PDE1C: variants seen among roughly 807,000 people sequenced by gnomAD.
PDE1C encodes the protein dual specificity calcium/calmodulin-dependent 3',5'-cyclic nucleotide phosphodiesterase 1C.
PDE1C carries 62 observed loss-of-function variants against 93.1 expected under a neutral mutation model. The ratio of observed to expected loss-of-function variants is 0.67; its 90% CI spans 0.54 to 0.82. The LOEUF (loss-of-function observed/expected upper bound fraction) is 0.82, where lower values mean the gene tolerates loss of function less well. Among genes scored for constraint, PDE1C ranks in the 40% least tolerant of loss-of-function variants. The pLI is 0.00. For missense variants in PDE1C, 742 were observed against 884.6 expected (o/e 0.84, Z 2.04); for synonymous variants, 325 against 310.1 (o/e 1.05, Z -0.50).
the PDE1C span, among the ~76,000 whole-genome samples, chr7:31,703,509 A>C: frequency 6.6e-6 from 1 of 152,200 alleles, no homozygotes; most frequent in African/African-American, 2.4e-5. Flanking sequence ...GAATCAGCAA[A>C]TCTCTATATC....
At chr7:32,191,865 G>C (rs1005220773) in intron 2 of PDE1C, among the ~76,000 whole-genome samples, 3 of 152,100 alleles carry the variant, frequency 2.0e-5, no homozygotes, top group Non-Finnish European at 4.4e-5. Flanking sequence ...TCAGCATTTG[G>C]AGTGATCACC....
intron 5 of PDE1C, among the ~76,000 whole-genome samples, chr7:31,874,843 G>A (rs192263433): frequency 8.5e-5 from 13 of 152,204 alleles, no homozygotes; most frequent in African/African-American, 2.4e-4. Flanking sequence ...GCAAAACCTC[G>A]CAAGTCTAGA....
At chr7:31,716,577 T>C in the PDE1C span, among the ~76,000 whole-genome samples, 1 of 152,230 alleles carries the variant, frequency 6.6e-6, no homozygotes, top group Admixed American at 6.5e-5. Flanking sequence ...ATGTGCACCA[T>C]GATCATTGAC....
At chr7:31,630,216 G>A in the PDE1C span, among the ~76,000 whole-genome samples, 1 of 42,254 alleles carries the variant, frequency 2.4e-5, no homozygotes, top group Admixed American at 3.0e-4. Flanking sequence ...AGGAAAAGAG[G>A]CAATCAAAGA....
the PDE1C span, among the ~76,000 whole-genome samples, chr7:31,621,733 C>G: frequency 1.4e-5 from 2 of 145,716 alleles, no homozygotes; most frequent in African/African-American, 5.1e-5. Context: ...ATCATAATGA[C>G]AGGATCAAAT....
At chr7:32,234,539 A>G (rs966762295) in intron 1 of PDE1C, among the ~76,000 whole-genome samples, 2 of 152,062 alleles carry the variant, frequency 1.3e-5, no homozygotes, top group Non-Finnish European at 2.9e-5. Context: ...ACAACTCCTC[A>G]GGCTTCAGAT....
At chr7:32,002,112 C>A (rs907091907) in intron 2 of PDE1C, among the ~76,000 whole-genome samples, 6 of 152,032 alleles carry the variant, frequency 3.9e-5, no homozygotes, top group Non-Finnish European at 8.8e-5. Flanking sequence ...CTAAGAGAGA[C>A]CCCAGTAAAA....
the PDE1C span, among the ~76,000 whole-genome samples, chr7:31,734,302 C>T: frequency 1.3e-5 from 2 of 151,914 alleles, no homozygotes; most frequent in Admixed American, 1.3e-4. Context: ...GCTCTAGGGC[C>T]CCCCTCTTTC....
chr7:32,391,983 G>A (rs566924192), intron 1 of PDE1C, among the ~76,000 whole-genome samples: 73 of 151,734 alleles, frequency 4.8e-4, no homozygotes, highest in Non-Finnish European at 8.5e-4. Context: ...AGATTAGAGC[G>A]AAATATCCAT....
intron 1 of PDE1C, among the ~76,000 whole-genome samples, chr7:32,231,348 T>A (rs898285487): frequency 2.0e-5 from 3 of 151,912 alleles, no homozygotes; most frequent in African/African-American, 7.3e-5. Context: ...CACACACACC[T>A]TTACACATGT....
intron 2 of PDE1C, among the ~76,000 whole-genome samples, chr7:31,946,480 G>A (rs1347760429): frequency 2.0e-5 from 3 of 152,156 alleles, no homozygotes; most frequent in Non-Finnish European, 2.9e-5. Flanking sequence ...CTTGCTTCTA[G>A]CATTCCCAGG....
chr7:32,038,212 C>T (rs1791365841), intron 2 of PDE1C, among the ~76,000 whole-genome samples: 2 of 152,078 alleles, frequency 1.3e-5, no homozygotes, highest in Admixed American at 6.6e-5. Context: ...GCAAGTTTTG[C>T]CTTCACAGCC....
intron 17 of PDE1C, among the ~76,000 whole-genome samples, chr7:31,759,324 T>C (rs1794682862): frequency 6.6e-6 from 1 of 152,112 alleles, no homozygotes; most frequent in Non-Finnish European, 1.5e-5. Context: ...TGTCTGGCTA[T>C]ACCTAAACTA....
intron 16 of PDE1C, among the ~76,000 whole-genome samples, chr7:31,795,400 T>C (rs1191635006): frequency 6.6e-6 from 1 of 151,894 alleles, no homozygotes; most frequent in Non-Finnish European, 1.5e-5. Flanking sequence ...AGCTTTATTT[T>C]AAACATCTTG....
chr7:32,288,430 C>T (rs1337269069), intron 1 of PDE1C, among the ~76,000 whole-genome samples: 1 of 152,204 alleles, frequency 6.6e-6, no homozygotes, highest in Non-Finnish European at 1.5e-5. Context: ...CAGTCTTACA[C>T]AACTGGACTA....
chr7:32,169,154 C>T (rs939304363), intron 3 of PDE1C, among the ~76,000 whole-genome samples: 1 of 152,110 alleles, frequency 6.6e-6, no homozygotes, highest in African/African-American at 2.4e-5. Flanking sequence ...CACGTTTTTA[C>T]ACCACACTCA....
chr7:31,674,271 G>T, the PDE1C span, among the ~76,000 whole-genome samples: 141 of 152,198 alleles, frequency 9.3e-4, 2 homozygotes, highest in South Asian at 0.019. Context: ...AAAATAGTAT[G>T]CTTTGATGGA....
chr7:32,248,165 C>A (rs1809103012), intron 1 of PDE1C, among the ~76,000 whole-genome samples: 3 of 151,920 alleles, frequency 2.0e-5, no homozygotes. Flanking sequence ...GTTTGAGGTC[C>A]CTGTGGGGCA....
intron 3 of PDE1C, among the ~76,000 whole-genome samples, chr7:32,087,500 G>A (rs888343482): frequency 6.6e-5 from 10 of 152,002 alleles, no homozygotes; most frequent in African/African-American, 1.9e-4. Flanking sequence ...CCCATTACTG[G>A]GTATATACCC....
Sources: gnomAD v4.1 joint callset for allele counts (sites outside exome capture counted in the v4.1 genomes callset) on GRCh38, gnomAD v4.1.1 for gene constraint, MANE v1.5 for transcripts, NCBI Gene and HGNC (gene_info 2026-07-23, HGNC 2026-07-21) for gene names.